ZFP62: variants seen among roughly 807,000 people sequenced by gnomAD.
ZFP62 encodes ZFP62 zinc finger protein, also known as zinc finger protein 62 homolog.
ZFP62 carries 44 observed loss-of-function variants against 56.4 expected under a neutral mutation model. That is an observed-to-expected ratio of 0.78 (90% CI 0.61 to 1.00). The LOEUF is 1.00. Among genes scored for constraint, ZFP62 ranks in the 50% least tolerant of loss-of-function variants. The pLI is 0.00. For synonymous variants in ZFP62, 421 were observed against 388.9 expected (o/e 1.08, Z -0.97); for missense variants, 1,030 against 1,085.7 (o/e 0.95, Z 0.72).
chr5:180,858,015 G>A (rs1774079978), intron 1 of ZFP62, among the ~76,000 whole-genome samples: 2 of 151,048 alleles, frequency 1.3e-5, no homozygotes, highest in African/African-American at 4.9e-5. Context: ...CTCTTTCGGA[G>A]GCCGAGGCAG....
chr5:180,854,764 A>G (rs1202990918), intron 1 of ZFP62, among the ~76,000 whole-genome samples: 1 of 152,202 alleles, frequency 6.6e-6, no homozygotes, highest in Non-Finnish European at 1.5e-5. Context: ...GTTTTCTACT[A>G]AAACAGAGGG....
the ZFP62 span, among the ~76,000 whole-genome samples, chr5:180,838,593 C>T: frequency 2.0e-5 from 3 of 152,178 alleles, no homozygotes; most frequent in Non-Finnish European, 4.4e-5. Context: ...GTAGGAAATA[C>T]ACACTCAAAA....
the ZFP62 span, chr5:180,835,871 T>C: frequency 6.6e-6 from 1 of 152,236 alleles, no homozygotes; most frequent in African/African-American, 2.4e-5. Context: ...TCTTGCAGCC[T>C]GTATTAATTT....
chr5:180,841,246 T>TAC, the ZFP62 span, among the ~76,000 whole-genome samples: 5 of 57,418 alleles, frequency 8.7e-5, no homozygotes, highest in African/African-American at 1.2e-4. Flanking sequence ...TATATCCATA[T>TAC]ATATATACAC....
At chr5:180,852,133 G>T in intron 1 of ZFP62, 1 of 524,860 alleles carries the variant, frequency 1.9e-6, no homozygotes, top group Non-Finnish European at 2.4e-6. Flanking sequence ...CAGGCAAATG[G>T]AATAGAACAG....
Position 180,848,849 on chromosome 5 carries a change from C to T in ZFP62, c.2646G>A (p.Lys882=). The change falls in exon 2 of 2, where the codon AAG becomes AAA. Residue 882 remains lysine (K), a synonymous_variant. Transcript: ENST00000502412. ...GGGCATTCCCTCCCTCATAGGTTCT[C>T]TTCTGGGATGTGCCACTATAACTTC... ...YVGSYSGTSQ[K]RTYEGGNALD... is the part of the protein sequence containing the mutation. 1.9e-6 allele frequency: 3 copies of T among 1,551,234 alleles called. No homozygotes were observed. Among genetic ancestry groups the T allele is most frequent in the East Asian group, 4.9e-5 (2 of 40,900 alleles).
chr5:180,858,473 C>T (rs2113720983), intron 1 of ZFP62, among the ~76,000 whole-genome samples: 1 of 151,806 alleles, frequency 6.6e-6, no homozygotes, highest in Non-Finnish European at 1.5e-5. Flanking sequence ...TGTGGTGGTG[C>T]ACACCTGTAG....
rs749913353 is a variant in ZFP62 at position 180,850,908 on chromosome 5, G to A, written c.587C>T (p.Pro196Leu). ...TTTCCCACATTCCTCACACTTGTAC[G>A]GCTTCTCCCCAGTGTGGATCCGTTT... ...VHKRIHTGEK[P>L]YKCEECGKAY... The change falls in exon 2 of 2, where the codon CCG becomes CTG. Residue 196 changes from proline to leucine, a missense_variant. Pro to Leu is a moderately conservative substitution (Grantham distance 98, BLOSUM62 -3). Transcript: ENST00000502412. 5.1e-6 allele frequency: 8 copies of A among 1,564,674 alleles called. No homozygotes were observed. The highest frequency in any genetic ancestry group is 1.9e-5 in the Admixed American group (1 of 52,146).
the ZFP62 span, chr5:180,834,546 A>T: frequency 6.6e-6 from 1 of 152,216 alleles, no homozygotes; most frequent in Non-Finnish European, 1.5e-5. Flanking sequence ...AAGCGGGTGG[A>T]CCCTCATCAG....
At chr5:180,854,574 A>T (rs1773875010) in intron 1 of ZFP62, among the ~76,000 whole-genome samples, 1 of 148,016 alleles carries the variant, frequency 6.8e-6, no homozygotes, top group Non-Finnish European at 1.5e-5. Context: ...TATAATGCTT[A>T]AATTATTTAC....
Position 180,847,898 on chromosome 5 carries a change from G to C in ZFP62, c.*894C>G. The C allele has an allele frequency of 5.1e-6, 5 of 985,356 alleles. No homozygotes were observed. Among genetic ancestry groups the C allele is most frequent in the Non-Finnish European group, 6.0e-6 (5 of 829,916 alleles). The allele number at this position is 985,356 out of a possible 1,614,324, so 61.0% of individuals were successfully genotyped here. On this transcript the variant is annotated 3_prime_UTR_variant, in exon 2 of 2. Transcript: ENST00000502412. ...TTCCTTCTCAGCATTTCTATTCATA[G>C]GAATCCCTGAATCACTTCTGTCATG...
At chr5:180,839,581 A>G in the ZFP62 span, among the ~76,000 whole-genome samples, 5 of 152,140 alleles carry the variant, frequency 3.3e-5, no homozygotes, top group African/African-American at 1.2e-4. Context: ...GGATACAAAG[A>G]GGGGAAAAAC....
chr5:180,848,807 C>T lies in ZFP62; in HGVS notation c.2688G>A (p.Met896Ile). Reference protein sequence around the residue: ...EGGNALDGGRMRMPL With the variant: ...EGGNALDGGRIRMPL Reference sequence around the variant, plus strand: ...GCTCTGCCTGCTACAGAGGCATCCTCATCCTGCCCCCATCCAGGGCATTCC... The same window carrying T: ...GCTCTGCCTGCTACAGAGGCATCCTTATCCTGCCCCCATCCAGGGCATTCC... Residue 896 changes from methionine to isoleucine, a missense_variant, in exon 2 of 2, where the codon ATG becomes ATA. Transcript: ENST00000502412. 1 of 1,534,102 alleles carries T rather than the reference C, an allele frequency of 6.5e-7. No individual in the cohort carries two copies. Among genetic ancestry groups the T allele is most frequent in the Non-Finnish European group, 8.8e-7 (1 of 1,135,116 alleles).
At position 180,850,368 on chromosome 5, in the gene ZFP62, T is replaced by C. The variant is rs1176408381; in HGVS notation, c.1127A>G (p.Asn376Ser). ...TTTATGCACTATGAGGCCTGAGCTGTTCCTGAAAGCCTTCCCACATTCATC... is the reference window on the plus strand; with the variant it reads ...TTTATGCACTATGAGGCCTGAGCTGCTCCTGAAAGCCTTCCCACATTCATC... ...ECDECGKAFR[N>S]SSGLIVHKRI... Residue 376 changes from asparagine to serine, a missense_variant, in exon 2 of 2, where the codon AAC becomes AGC. Physicochemically the swap from Asn to Ser is conservative, Grantham distance 46 (BLOSUM62 1). Transcript: ENST00000502412. 6.4e-7 allele frequency: 1 copy of C among 1,567,062 alleles called. No homozygotes were observed. The highest frequency in any genetic ancestry group is 8.7e-7 in the Non-Finnish European group (1 of 1,155,938).
Position 180,849,010 on chromosome 5 carries a change from G to C in ZFP62, c.2485C>G (p.Gln829Glu), listed in dbSNP as rs1183628018. 1 of 1,551,800 alleles carries C rather than the reference G, an allele frequency of 6.4e-7. No individual in the cohort carries two copies. The highest frequency in any genetic ancestry group is 2.4e-5 in the East Asian group (1 of 40,908). ...TTTCCAGTGTGGATCCTTTTGTGCT[G>C]GTCAAGGACTGATCTATAATTGAAG... ...KSFNYRSVLDQHKRIHTGKKP... is the reference protein window; with the variant it reads ...KSFNYRSVLDEHKRIHTGKKP... The change falls in exon 2 of 2, where the codon CAG becomes GAG. Residue 829 changes from glutamine (Q) to glutamate (E), a missense_variant. Transcript: ENST00000502412.
chr5:180,859,736 G>C (rs1418545891), intron 1 of ZFP62, among the ~76,000 whole-genome samples: 1 of 152,164 alleles, frequency 6.6e-6, no homozygotes. Context: ...TAAATATAGG[G>C]ACAAGTCTCA....
Position 180,856,952 on chromosome 5 carries a change from C to CA in ZFP62, c.1+4266dup, listed in dbSNP as rs758729037. ...TGGGTGACAGAGCAAGACTATGTCT[C>CA]AAAAAAAAAAAAAAAAAAAAAAAAA... On this transcript the variant is annotated intron_variant, in intron 1 of 1. Coordinates refer to ENST00000502412, the MANE Select transcript of ZFP62 (RefSeq NM_001172638.2). Among the ~76,000 whole-genome samples, 331 of 63,672 alleles carry CA rather than the reference C, an allele frequency of 5.2e-3. 33 individuals carry two copies. Among genetic ancestry groups the CA allele is most frequent in the African/African-American group, 0.022 (284 of 12,878 alleles). 41.8% of individuals were successfully genotyped at this position (63,672 alleles called of 152,430 possible). A position where few individuals can be genotyped will look rare whatever the true frequency, so the allele number is the denominator to read the frequency against.
chr5:180,835,613 G>A, the ZFP62 span: 1 of 152,192 alleles, frequency 6.6e-6, no homozygotes, highest in African/African-American at 2.4e-5. Context: ...GTAAAAATGA[G>A]TTAACATAAG....
rs1437603047 is a variant in ZFP62, at chr5:180,848,012, A to C, written c.*780T>G. The C allele has an allele frequency of 1.0e-6, 1 of 985,320 alleles. No individual in the cohort carries two copies. Among genetic ancestry groups the C allele is most frequent in the East Asian group, 1.1e-4 (1 of 8,826 alleles). 61.0% of individuals were successfully genotyped at this position (985,320 alleles called of 1,614,324 possible). ...ACGGTAGAACCTTTTATTGTAGCAT[A>C]ATGTGTGAATACCACTTCCAGGTTA... On this transcript the variant is annotated 3_prime_UTR_variant, in exon 2 of 2. Transcript: ENST00000502412.
Sources: gnomAD v4.1 joint callset for allele counts (sites outside exome capture counted in the v4.1 genomes callset) on GRCh38, gnomAD v4.1.1 for gene constraint, MANE v1.5 for transcripts, NCBI Gene and HGNC (gene_info 2026-07-23, HGNC 2026-07-21) for gene names.